Variants in ACYP2 observed in about 807,000 individuals in gnomAD.
The protein encoded by ACYP2 is acylphosphatase 2.
In ACYP2, 12 loss-of-function variants were observed where a neutral mutation model predicts 11.2. The observed-to-expected ratio is 1.08, with a 90% CI of 0.69 to 1.74. The LOEUF is 1.74. ACYP2 is among the 40% of genes most tolerant of loss of function. The pLI, the probability that ACYP2 is intolerant of heterozygous loss-of-function variation, is 0.00. For synonymous variants in ACYP2, 43 were observed against 32.2 expected (o/e 1.33, Z -1.13); for missense variants, 134 against 101.9 (o/e 1.31, Z -1.35).
chr2:54,096,802 C>G (rs550339363), intron 4 of ACYP2, among the ~76,000 whole-genome samples: 22 of 142,170 alleles, frequency 1.5e-4, no homozygotes, highest in Admixed American at 1.2e-3. Flanking sequence ...AGCCTTGGCT[C>G]GGCATCAGAG....
intron 4 of ACYP2, among the ~76,000 whole-genome samples, chr2:54,074,680 G>C (rs2103654300): frequency 1.3e-5 from 2 of 151,726 alleles, no homozygotes; most frequent in East Asian, 3.9e-4. Context: ...TTTATATACA[G>C]AAAGAAATGT....
chr2:54,010,046 T>A (rs972606158), intron 2 of ACYP2, among the ~76,000 whole-genome samples: 7 of 152,070 alleles, frequency 4.6e-5, no homozygotes, highest in African/African-American at 1.7e-4. Context: ...TTCAGTAGAA[T>A]GGGAAAAATG....
intron 3 of ACYP2, among the ~76,000 whole-genome samples, chr2:54,055,594 G>A (rs1035103662): frequency 1.3e-5 from 2 of 151,990 alleles, no homozygotes; most frequent in Non-Finnish European, 2.9e-5. Flanking sequence ...GAAGTTAATC[G>A]AATTTCTTAA....
intron 6 of ACYP2, among the ~76,000 whole-genome samples, chr2:54,233,814 G>A (rs1274851021): frequency 3.9e-5 from 6 of 151,918 alleles, no homozygotes; most frequent in Non-Finnish European, 7.4e-5. Context: ...ACTTCAAAAA[G>A]GTCACGGGAA....
chr2:54,153,724 C>T (rs530970802), intron 6 of ACYP2, among the ~76,000 whole-genome samples: 55 of 151,530 alleles, frequency 3.6e-4, no homozygotes, highest in Admixed American at 2.6e-3. Flanking sequence ...CTCAGCCTCT[C>T]GAGTGCCTGG....
intron 6 of ACYP2, among the ~76,000 whole-genome samples, chr2:54,160,459 A>C (rs542964154): frequency 6.6e-6 from 1 of 152,304 alleles, no homozygotes; most frequent in Non-Finnish European, 1.5e-5. Flanking sequence ...TTTGCCATTC[A>C]ACAATGCCAT....
At chr2:54,021,372 A>G (rs976416987) in intron 2 of ACYP2, among the ~76,000 whole-genome samples, 3 of 152,176 alleles carry the variant, frequency 2.0e-5, no homozygotes, top group Non-Finnish European at 4.4e-5. Context: ...TTTAAAATGG[A>G]GAATGAAGAA....
chr2:54,053,815 T>G (rs1344766106), intron 3 of ACYP2, among the ~76,000 whole-genome samples: 1 of 152,278 alleles, frequency 6.6e-6, no homozygotes, highest in African/African-American at 2.4e-5. Context: ...ACTCAGTAAT[T>G]CTTTATATTA....
intron 4 of ACYP2, among the ~76,000 whole-genome samples, chr2:54,125,079 G>T (rs992800427): frequency 6.6e-6 from 1 of 151,220 alleles, no homozygotes; most frequent in Admixed American, 6.6e-5. Context: ...TTAAAACTTT[G>T]AAAATTTAAA....
chr2:54,076,080 C>G (rs1265669606), intron 4 of ACYP2, among the ~76,000 whole-genome samples: 1 of 152,126 alleles, frequency 6.6e-6, no homozygotes. Context: ...GAAAATGATG[C>G]ATTTGTACAC....
At chr2:54,202,251 GGT>G (rs1421957015) in intron 6 of ACYP2, among the ~76,000 whole-genome samples, 1 of 151,924 alleles carries the variant, frequency 6.6e-6, no homozygotes, top group Non-Finnish European at 1.5e-5. Flanking sequence ...TGGGACTACA[GGT>G]GCGTGTCACC....
intron 2 of ACYP2, among the ~76,000 whole-genome samples, chr2:53,997,413 C>G (rs1211123550): frequency 6.6e-6 from 1 of 152,148 alleles, no homozygotes; most frequent in African/African-American, 2.4e-5. Flanking sequence ...TCAAGTGATT[C>G]TCATGCCTCA....
chr2:54,147,464 G>A (rs1259855308), intron 6 of ACYP2, among the ~76,000 whole-genome samples: 1 of 152,050 alleles, frequency 6.6e-6, no homozygotes, highest in East Asian at 1.9e-4. Flanking sequence ...TATTTCTGTA[G>A]GCACTTAGTC....
chr2:54,003,141 C>T (rs1294488626), intron 2 of ACYP2, among the ~76,000 whole-genome samples: 1 of 151,632 alleles, frequency 6.6e-6, no homozygotes, highest in Non-Finnish European at 1.5e-5. Context: ...TAAGGACAGG[C>T]TCTCACCATG....
At chr2:54,103,912 T>C (rs1035370880) in intron 4 of ACYP2, among the ~76,000 whole-genome samples, 10 of 152,230 alleles carry the variant, frequency 6.6e-5, no homozygotes, top group Admixed American at 5.2e-4. Flanking sequence ...GGCCAGGTCA[T>C]GCAGCAGGCA....
At chr2:54,192,952 A>C (rs898543440) in intron 6 of ACYP2, among the ~76,000 whole-genome samples, 1 of 152,150 alleles carries the variant, frequency 6.6e-6, no homozygotes, top group Non-Finnish European at 1.5e-5. Context: ...ACCTGGTCCT[A>C]CCCTTGACGT....
chr2:53,972,991 T>C, intron 1 of ACYP2, among the ~76,000 whole-genome samples: 1 of 151,956 alleles, frequency 6.6e-6, no homozygotes. Flanking sequence ...AATAGGGCCC[T>C]TCACAAATCT....
chr2:53,984,772 C>CCAAAA (rs757214701), intron 2 of ACYP2, among the ~76,000 whole-genome samples: 2 of 151,752 alleles, frequency 1.3e-5, no homozygotes, highest in Non-Finnish European at 2.9e-5. Context: ...GCAAGACAAA[C>CCAAAA]CAAAACAAAA....
intron 6 of ACYP2, among the ~76,000 whole-genome samples, chr2:54,239,833 T>C (rs1686654480): frequency 6.6e-6 from 1 of 152,198 alleles, no homozygotes; most frequent in African/African-American, 2.4e-5. Flanking sequence ...GTTTTCATGG[T>C]AGAATAGGGA....
Sources: gnomAD v4.1 joint callset for allele counts (sites outside exome capture counted in the v4.1 genomes callset) on GRCh38, gnomAD v4.1.1 for gene constraint, MANE v1.5 for transcripts, NCBI Gene and HGNC (gene_info 2026-07-23, HGNC 2026-07-21) for gene names.